Variants in FARSB observed in about 807,000 individuals in gnomAD.
The protein encoded by FARSB is phenylalanine--tRNA ligase beta subunit.
In FARSB, 40 loss-of-function variants were observed where a neutral mutation model predicts 69.6. That is an observed-to-expected ratio of 0.57 (90% CI 0.45 to 0.75). The LOEUF (loss-of-function observed/expected upper bound fraction) is 0.75, where lower values mean the gene tolerates loss of function less well. Among genes scored for constraint, FARSB ranks in the 30% least tolerant of loss-of-function variants. The pLI is 0.00. For synonymous variants in FARSB, 235 were observed against 247.2 expected (o/e 0.95, Z 0.46); for missense variants, 632 against 722.9 (o/e 0.87, Z 1.44).
At position 222,656,050 on chromosome 2, in the gene FARSB, A is replaced by G. The variant is rs1165938275; in HGVS notation, c.24T>C (p.Arg8=). MPTVSVK[R]DLLFQALGRT... Reference sequence around the variant, plus strand: ...GGCCCAGGGCTTGGAAGAGCAGATCACGCTTCACGCTGACAGTCGGCATGG... The same window carrying G: ...GGCCCAGGGCTTGGAAGAGCAGATCGCGCTTCACGCTGACAGTCGGCATGG... The change falls in exon 1 of 17, where the codon CGT becomes CGC. Residue 8 remains arginine, a synonymous_variant. Transcript: ENST00000281828. The G allele has an allele frequency of 2.5e-6, 4 of 1,596,116 alleles. No individual in the cohort carries two copies. Among genetic ancestry groups the G allele is most frequent in the Non-Finnish European group, 3.4e-6 (4 of 1,172,700 alleles).
chr2:222,573,473 T>C (rs1689762850), intron 16 of FARSB, among the ~76,000 whole-genome samples: 2 of 152,274 alleles, frequency 1.3e-5, no homozygotes, highest in South Asian at 2.1e-4. Flanking sequence ...ACTAATATTA[T>C]AGAGCCTTAG....
intron 16 of FARSB, among the ~76,000 whole-genome samples, chr2:222,594,093 C>CAAAAAAAA (rs33937937): frequency 3.9e-5 from 2 of 51,546 alleles, no homozygotes; most frequent in Non-Finnish European, 3.1e-5. Flanking sequence ...CCCGCCTCTA[C>CAAAAAAAA]AAAAAAAAAA....
chr2:222,591,877 A>G (rs2106190469), intron 16 of FARSB, among the ~76,000 whole-genome samples: 1 of 152,330 alleles, frequency 6.6e-6, no homozygotes, highest in Non-Finnish European at 1.5e-5. Context: ...CCAGGAAAAC[A>G]CTTTACATGT....
intron 16 of FARSB, among the ~76,000 whole-genome samples, chr2:222,585,756 G>C (rs1394315167): frequency 1.3e-5 from 2 of 152,204 alleles, no homozygotes; most frequent in Non-Finnish European, 2.9e-5. Flanking sequence ...GGATCAAGGG[G>C]AAGAAAGGTG....
chr2:222,592,159 TTC>T (rs1451745899), intron 16 of FARSB, among the ~76,000 whole-genome samples: 6 of 152,174 alleles, frequency 3.9e-5, no homozygotes, highest in Non-Finnish European at 8.8e-5. Flanking sequence ...GAAGTTTTAT[TTC>T]TCTCTCTTGT....
intron 16 of FARSB, among the ~76,000 whole-genome samples, chr2:222,575,216 C>T (rs940579758): frequency 2.0e-5 from 3 of 152,194 alleles, no homozygotes; most frequent in Non-Finnish European, 4.4e-5. Context: ...CTAGCTAGGA[C>T]TAATGTGCCG....
At chr2:222,606,607 T>C (rs997711301) in intron 15 of FARSB, among the ~76,000 whole-genome samples, 2 of 152,222 alleles carry the variant, frequency 1.3e-5, no homozygotes, top group Non-Finnish European at 2.9e-5. Flanking sequence ...GAGGGGCGGC[T>C]AGCTACAATT....
chr2:222,584,098 A>C (rs1465412084), intron 16 of FARSB, among the ~76,000 whole-genome samples: 1 of 152,194 alleles, frequency 6.6e-6, no homozygotes, highest in Non-Finnish European at 1.5e-5. Flanking sequence ...TTCAATGTTC[A>C]TCTGATTTTG....
chr2:222,625,699 T>C (rs993238923), intron 10 of FARSB, among the ~76,000 whole-genome samples: 31 of 152,262 alleles, frequency 2.0e-4, no homozygotes, highest in Non-Finnish European at 4.6e-4. Context: ...ATAGTTACTA[T>C]GACCTAAACA....
chr2:222,639,262 CA>C (rs1691655814), intron 5 of FARSB, among the ~76,000 whole-genome samples: 2 of 152,100 alleles, frequency 1.3e-5, no homozygotes, highest in South Asian at 2.1e-4. Context: ...ACAACAACAA[CA>C]AAAAGCAGGG....
intron 15 of FARSB, among the ~76,000 whole-genome samples, chr2:222,603,435 C>T (rs903630888): frequency 5.3e-5 from 8 of 151,806 alleles, no homozygotes; most frequent in African/African-American, 1.4e-4. Context: ...TGGAGGAAAA[C>T]GAAAACTAAC....
chr2:222,604,077 G>C (rs1179110229), intron 15 of FARSB, among the ~76,000 whole-genome samples: 1 of 151,996 alleles, frequency 6.6e-6, no homozygotes. Context: ...AATTGGCCAG[G>C]CATGGTGGCA....
chr2:222,642,293 G>A (rs1305366955), intron 3 of FARSB, among the ~76,000 whole-genome samples: 4 of 152,338 alleles, frequency 2.6e-5, no homozygotes, highest in Admixed American at 2.0e-4. Context: ...GAGCCACCAT[G>A]TCCAGCCCCT....
intron 16 of FARSB, among the ~76,000 whole-genome samples, chr2:222,573,012 G>A (rs1689752983): frequency 6.6e-6 from 1 of 152,186 alleles, no homozygotes; most frequent in Non-Finnish European, 1.5e-5. Flanking sequence ...CTGGGCCACA[G>A]TGTCCAGCCT....
intron 13 of FARSB, among the ~76,000 whole-genome samples, chr2:222,620,954 G>C (rs934443725): frequency 3.9e-5 from 6 of 152,326 alleles, no homozygotes; most frequent in African/African-American, 1.4e-4. Flanking sequence ...AGCCATAGCA[G>C]AAAACAGCTC....
chr2:222,623,845 A>C (rs1691202409), intron 12 of FARSB, 115 bp from the exon 13 acceptor site: 8 of 698,480 alleles, frequency 1.1e-5, no homozygotes, highest in Non-Finnish European at 2.0e-5. Flanking sequence ...TTAAAAGATT[A>C]AAAACCTTTT....
At chr2:222,646,084 A>C (rs1232805614) in intron 2 of FARSB, among the ~76,000 whole-genome samples, 6 of 152,214 alleles carry the variant, frequency 3.9e-5, no homozygotes, top group African/African-American at 1.4e-4. Flanking sequence ...TGCCAATCTT[A>C]CTAGGTGTTA....
chr2:222,597,557 A>G lies in FARSB; in HGVS notation c.1618+2371T>C, dbSNP rs148537241. Among the ~76,000 whole-genome samples, 1,208 of 152,330 alleles carry G rather than the reference A, an allele frequency of 7.9e-3. 15 individuals carry two copies. The highest frequency in any genetic ancestry group is 0.028 in the African/African-American group (1,162 of 41,570). ...TATATGGAATTCAAATTATAACATC[A>G]TAAGTTTAGAATTAGAAAAACCTGA... On this transcript the variant is annotated intron_variant, in intron 16 of 16. Coordinates refer to ENST00000281828, the MANE Select transcript of FARSB (RefSeq NM_005687.5).
At chr2:222,601,291 T>C (rs1437486758) in intron 15 of FARSB, among the ~76,000 whole-genome samples, 1 of 152,084 alleles carries the variant, frequency 6.6e-6, no homozygotes, top group Non-Finnish European at 1.5e-5. Context: ...TAATAATAAT[T>C]TTTTAAAGTA....
Sources: allele counts gnomAD v4.1 joint callset (sites outside exome capture counted in the v4.1 genomes callset), GRCh38; gene constraint gnomAD v4.1.1; transcripts MANE v1.5; gene names NCBI Gene and HGNC (gene_info 2026-07-23, HGNC 2026-07-21).